Variants in NFIA observed in about 807,000 individuals in gnomAD.
NFIA encodes the protein nuclear factor I A.
In NFIA, 8 loss-of-function variants were observed where a neutral mutation model predicts 62.8. The observed-to-expected ratio is 0.13, with a 90% CI of 0.07 to 0.23. NFIA has a LOEUF of 0.23. NFIA is among the 10% of genes least tolerant of loss of function. NFIA has a pLI of 1.00. For missense variants in NFIA, 410 were observed against 642.1 expected (o/e 0.64, Z 3.91); for synonymous variants, 235 against 238.1 (o/e 0.99, Z 0.12).
chr1:61,384,402 C>A (rs1664575487), intron 7 of NFIA, among the ~76,000 whole-genome samples: 1 of 152,112 alleles, frequency 6.6e-6, no homozygotes, highest in South Asian at 2.1e-4. Flanking sequence ...AGAAAGTAAG[C>A]ATTTTGACCA....
intron 10 of NFIA, among the ~76,000 whole-genome samples, chr1:61,432,460 C>T (rs548261952): frequency 1.3e-5 from 2 of 151,968 alleles, no homozygotes; most frequent in South Asian, 2.1e-4. Context: ...ACGCCATTCC[C>T]GGGCTCCTGC....
chr1:61,253,055 C>G (rs1052305075), intron 2 of NFIA, among the ~76,000 whole-genome samples: 1 of 152,138 alleles, frequency 6.6e-6, no homozygotes, highest in Non-Finnish European at 1.5e-5. Context: ...TTTTGAAGTT[C>G]CATAAAGAAG....
intron 2 of NFIA, among the ~76,000 whole-genome samples, chr1:61,201,162 T>C (rs1652459401): frequency 6.6e-6 from 1 of 152,190 alleles, no homozygotes. Context: ...ACCTTAAGTA[T>C]CACATACCCT....
intron 2 of NFIA, among the ~76,000 whole-genome samples, chr1:61,116,847 A>G (rs1646800875): frequency 6.6e-6 from 1 of 152,232 alleles, no homozygotes; most frequent in African/African-American, 2.4e-5. Context: ...TTAGTTTTCC[A>G]TTGTTAGGTG....
At chr1:61,128,027 C>A (rs920769821) in intron 2 of NFIA, among the ~76,000 whole-genome samples, 2 of 152,184 alleles carry the variant, frequency 1.3e-5, no homozygotes, top group Admixed American at 1.3e-4. Context: ...CAGCATCTGG[C>A]AAATCTTATT....
At position 61,438,305 on chromosome 1, in the gene NFIA, C is replaced by T. The variant is rs1207393955; in HGVS notation, c.1512+11749C>T. Among the ~76,000 whole-genome samples, 7 of 152,180 alleles carry T rather than the reference C, an allele frequency of 4.6e-5. No homozygotes were observed. The East Asian group carries it at 1.3e-3, about 29-fold the overall frequency. Reference sequence around the variant, plus strand: ...CAGTCTAGTTAGGATGAAAAGCCCTCAGCACCCTGCCCAGCCAGTGTGTGG... The same window carrying T: ...CAGTCTAGTTAGGATGAAAAGCCCTTAGCACCCTGCCCAGCCAGTGTGTGG... On this transcript the variant is annotated intron_variant, in intron 10 of 10. Coordinates refer to ENST00000403491, the MANE Select transcript of NFIA (RefSeq NM_001134673.4).
At chr1:61,289,672 C>T (rs1338353581) in intron 3 of NFIA, among the ~76,000 whole-genome samples, 1 of 152,208 alleles carries the variant, frequency 6.6e-6, no homozygotes, top group South Asian at 2.1e-4. Flanking sequence ...AATGTGTTTT[C>T]GTTGCTGTTT....
At chr1:61,320,226 C>G (rs185057875) in intron 3 of NFIA, among the ~76,000 whole-genome samples, 228 of 152,088 alleles carry the variant, frequency 1.5e-3, no homozygotes, top group Admixed American at 4.5e-3. Context: ...CTAATTCATT[C>G]TGTTACATTT....
chr1:61,135,544 A>T (rs1268591037), intron 2 of NFIA, among the ~76,000 whole-genome samples: 1 of 152,140 alleles, frequency 6.6e-6, no homozygotes, highest in East Asian at 1.9e-4. Flanking sequence ...AGCTGGGACT[A>T]CTGGCATGTG....
intron 2 of NFIA, among the ~76,000 whole-genome samples, chr1:61,115,812 G>A (rs1007102612): frequency 2.6e-5 from 4 of 152,288 alleles, no homozygotes; most frequent in African/African-American, 9.6e-5. Context: ...TGGTGCCTTT[G>A]ACATGTTATC....
In NFIA at chr1:61,352,651, C is replaced by G; in HGVS notation, c.818+84C>G. ...AACTCTGGGCCCACTATGGATTTAG[C>G]AATGCGCCTTTAGTAATAGAAGATA... is the stretch of plus-strand genomic sequence containing the variant. On this transcript the variant is annotated intron_variant, in intron 5 of 10. Coordinates refer to ENST00000403491, the MANE Select transcript of NFIA (RefSeq NM_001134673.4). 5 of 1,048,108 alleles carry G rather than the reference C, an allele frequency of 4.8e-6. No homozygotes were observed. In the South Asian group the frequency reaches 6.5e-5, roughly 14 times the overall value. 64.9% of individuals were successfully genotyped at this position (1,048,108 alleles called of 1,614,324 possible).
At chr1:61,362,039 A>T (rs1184150496) in intron 6 of NFIA, among the ~76,000 whole-genome samples, 1 of 152,110 alleles carries the variant, frequency 6.6e-6, no homozygotes, top group African/African-American at 2.4e-5. Context: ...ATTAAAACTC[A>T]ACTGAAGGAT....
intron 6 of NFIA, among the ~76,000 whole-genome samples, chr1:61,364,675 T>C (rs1663488112): frequency 6.6e-6 from 1 of 152,222 alleles, no homozygotes; most frequent in Non-Finnish European, 1.5e-5. Context: ...ATAATAATTC[T>C]GTATTATTTC....
chr1:61,339,278 A>G (rs1661776694), intron 4 of NFIA, among the ~76,000 whole-genome samples: 2 of 152,228 alleles, frequency 1.3e-5, no homozygotes, highest in Non-Finnish European at 2.9e-5. Context: ...GAGTGAAGGT[A>G]GAGTGTGGAG....
chr1:61,411,314 A>C (rs1032767355), intron 9 of NFIA, among the ~76,000 whole-genome samples: 2 of 152,146 alleles, frequency 1.3e-5, no homozygotes, highest in Admixed American at 6.5e-5. Context: ...CAGCGCCCTA[A>C]GAAGTAGGGA....
chr1:61,195,058 T>C (rs1428600208), intron 2 of NFIA, among the ~76,000 whole-genome samples: 1 of 131,878 alleles, frequency 7.6e-6, no homozygotes, highest in African/African-American at 3.2e-5. Flanking sequence ...TCACCACCTC[T>C]TGTTGTATGT....
intron 5 of NFIA, among the ~76,000 whole-genome samples, chr1:61,353,954 G>C (rs566625801): frequency 5.6e-4 from 85 of 152,302 alleles, no homozygotes; most frequent in Non-Finnish European, 1.1e-3. Flanking sequence ...GTGTGTAACT[G>C]TACTCAGTCA....
At chr1:61,319,437 A>G (rs1227629223) in intron 3 of NFIA, among the ~76,000 whole-genome samples, 1 of 152,160 alleles carries the variant, frequency 6.6e-6, no homozygotes, top group Non-Finnish European at 1.5e-5. Context: ...AGTACCCACC[A>G]TATGTCATAC....
chr1:61,193,379 A>G (rs866557893), intron 2 of NFIA, among the ~76,000 whole-genome samples: 7 of 152,334 alleles, frequency 4.6e-5, no homozygotes, highest in African/African-American at 1.4e-4. Context: ...TTTTCCATGT[A>G]TAGAGGTGTC....
Sources: gnomAD v4.1 joint callset for allele counts (sites outside exome capture counted in the v4.1 genomes callset) on GRCh38, gnomAD v4.1.1 for gene constraint, MANE v1.5 for transcripts, NCBI Gene and HGNC (gene_info 2026-07-23, HGNC 2026-07-21) for gene names.